RBFOX1: variants seen among roughly 807,000 people sequenced by gnomAD.
RBFOX1 encodes RNA binding fox-1 homolog 1, also known as RNA binding protein fox-1 homolog 1.
A neutral mutation model predicts 57.7 loss-of-function variants in RBFOX1; 8 were observed. The ratio of observed to expected loss-of-function variants is 0.14; its 90% CI spans 0.08 to 0.25. The LOEUF (loss-of-function observed/expected upper bound fraction) is 0.25, where lower values mean the gene tolerates loss of function less well. RBFOX1 is among the 10% of genes least tolerant of loss of function. The pLI is 1.00. For missense variants in RBFOX1, 611 were observed against 548.5 expected (o/e 1.11, Z -1.14); for synonymous variants, 326 against 222.4 (o/e 1.47, Z -4.15).
intron 2 of RBFOX1, among the ~76,000 whole-genome samples, chr16:6,539,886 TG>T (rs2096789441): frequency 6.7e-6 from 1 of 149,512 alleles, no homozygotes; most frequent in East Asian, 2.0e-4. Flanking sequence ...TTTTTGCTTC[TG>T]CATGAACTTT....
chr16:7,691,603 C>T (rs573179532), intron 14 of RBFOX1, among the ~76,000 whole-genome samples: 26 of 152,056 alleles, frequency 1.7e-4, no homozygotes, highest in Non-Finnish European at 3.5e-4. Context: ...AGCCTAGTTT[C>T]TTAGAGGGCT....
At chr16:5,772,712 G>C (rs1243019095) in intron 3 of RBFOX1, among the ~76,000 whole-genome samples, 1 of 152,218 alleles carries the variant, frequency 6.6e-6, no homozygotes, top group Non-Finnish European at 1.5e-5. Context: ...AATTTGCTGA[G>C]AGGAACAGAT....
At chr16:6,004,144 C>T (rs1470195583) in intron 4 of RBFOX1, among the ~76,000 whole-genome samples, 1 of 152,130 alleles carries the variant, frequency 6.6e-6, no homozygotes, top group Non-Finnish European at 1.5e-5. Flanking sequence ...ACACGTTTGC[C>T]TGTGTAACAA....
chr16:6,671,167 C>G (rs1397116224), intron 3 of RBFOX1, among the ~76,000 whole-genome samples: 1 of 152,166 alleles, frequency 6.6e-6, no homozygotes, highest in Non-Finnish European at 1.5e-5. Context: ...CAAAAGGACA[C>G]CTGGACTGAG....
chr16:5,878,602 G>A (rs976107593), intron 4 of RBFOX1, among the ~76,000 whole-genome samples: 1 of 152,132 alleles, frequency 6.6e-6, no homozygotes, highest in Non-Finnish European at 1.5e-5. Context: ...ATACACTTTG[G>A]AGAAACTTCG....
At chr16:6,654,277 C>A (rs1259466054) in intron 2 of RBFOX1, among the ~76,000 whole-genome samples, 1 of 152,186 alleles carries the variant, frequency 6.6e-6, no homozygotes, top group Non-Finnish European at 1.5e-5. Context: ...GCAGTCTCTG[C>A]TGATGTGAAC....
chr16:6,479,113 C>T (rs1327134976), intron 2 of RBFOX1, among the ~76,000 whole-genome samples: 4 of 152,100 alleles, frequency 2.6e-5, no homozygotes, highest in Non-Finnish European at 4.4e-5. Flanking sequence ...TGTGTGTAAG[C>T]GTGTATACAA....
At chr16:5,608,675 G>A (rs1487270792) in intron 3 of RBFOX1, among the ~76,000 whole-genome samples, 2 of 152,230 alleles carry the variant, frequency 1.3e-5, no homozygotes, top group East Asian at 1.9e-4. Flanking sequence ...TGCTGGAGTT[G>A]TCTGTTACAA....
chr16:7,673,733 A>T (rs941735438), intron 13 of RBFOX1, among the ~76,000 whole-genome samples: 1 of 152,220 alleles, frequency 6.6e-6, no homozygotes, highest in Non-Finnish European at 1.5e-5. Context: ...TGAAATTTTT[A>T]TATAAGGTTA....
intron 5 of RBFOX1, among the ~76,000 whole-genome samples, chr16:7,539,682 C>T (rs1386766357): frequency 6.6e-6 from 1 of 152,124 alleles, no homozygotes; most frequent in African/African-American, 2.4e-5. Context: ...CTGTTTCTGG[C>T]CACAAAGGAC....
At chr16:5,987,222 G>GT (rs1208028404) in intron 4 of RBFOX1, among the ~76,000 whole-genome samples, 5 of 152,094 alleles carry the variant, frequency 3.3e-5, no homozygotes, top group African/African-American at 4.8e-5. Flanking sequence ...AATTGGATTG[G>GT]TTTTTTTCTT....
At position 7,125,640 on chromosome 16, in the gene RBFOX1, T is replaced by C. The variant is rs575539720; in HGVS notation, c.27+73542T>C. 3.3e-4 allele frequency among the ~76,000 whole-genome samples: 51 copies of C among 152,290 alleles called. 1 individual carries two copies. In the South Asian group the frequency reaches 0.01, roughly 30 times the overall value. On this transcript the variant is annotated intron_variant, in intron 4 of 15. Coordinates refer to ENST00000550418, the MANE Select transcript of RBFOX1 (RefSeq NM_018723.4). ...TATAGAAGATGGATATCGTTAACTC[T>C]ACAGAGGAAGCTGAGGAACAGCAGC...
chr16:5,382,918 T>C (rs915179951), intron 1 of RBFOX1, among the ~76,000 whole-genome samples: 2 of 152,160 alleles, frequency 1.3e-5, no homozygotes, highest in Admixed American at 6.5e-5. Flanking sequence ...AGAGAAGAAA[T>C]GGTAGAGGTG....
chr16:5,640,940 C>A (rs1311550932), intron 3 of RBFOX1, among the ~76,000 whole-genome samples: 2 of 150,956 alleles, frequency 1.3e-5, no homozygotes, highest in Non-Finnish European at 1.5e-5. Context: ...CTCATGCACA[C>A]CATGCATACA....
chr16:6,795,573 C>G (rs369406077), intron 3 of RBFOX1, among the ~76,000 whole-genome samples: 3 of 152,110 alleles, frequency 2.0e-5, no homozygotes, highest in African/African-American at 7.2e-5. Context: ...CAAGACCAGC[C>G]TGGCCAATGT....
chr16:6,457,443 C>CCCG (rs1555484702), intron 2 of RBFOX1, among the ~76,000 whole-genome samples: 1 of 75,100 alleles, frequency 1.3e-5, no homozygotes, highest in Non-Finnish European at 2.8e-5. Flanking sequence ...GGAAGTCCCC[C>CCCG]CCCCCGCAAT....
intron 4 of RBFOX1, among the ~76,000 whole-genome samples, chr16:7,101,959 C>G (rs2062773255): frequency 6.6e-6 from 1 of 152,096 alleles, no homozygotes; most frequent in Non-Finnish European, 1.5e-5. Flanking sequence ...AGCCTTGTAC[C>G]ACAAGCCTAG....
intron 2 of RBFOX1, among the ~76,000 whole-genome samples, chr16:6,406,901 A>C (rs747659295): frequency 6.6e-6 from 1 of 152,118 alleles, no homozygotes; most frequent in Non-Finnish European, 1.5e-5. Context: ...TGACCCCCCT[A>C]CTGACTGTGT....
chr16:6,981,839 C>T (rs977862611), intron 3 of RBFOX1, among the ~76,000 whole-genome samples: 7 of 152,152 alleles, frequency 4.6e-5, no homozygotes, highest in African/African-American at 1.2e-4. Flanking sequence ...CACAGCCAAG[C>T]CATATCATCC....
Sources: allele counts gnomAD v4.1 joint callset (sites outside exome capture counted in the v4.1 genomes callset), GRCh38; gene constraint gnomAD v4.1.1; transcripts MANE v1.5; gene names NCBI Gene and HGNC (gene_info 2026-07-23, HGNC 2026-07-21).